Variants in CDH18 observed in about 807,000 individuals in gnomAD.
The protein encoded by CDH18 is cadherin 18.
A neutral mutation model predicts 67.9 loss-of-function variants in CDH18; 31 were observed. The ratio of observed to expected loss-of-function variants is 0.46; its 90% CI spans 0.34 to 0.62. The LOEUF (loss-of-function observed/expected upper bound fraction) is 0.62, where lower values mean the gene tolerates loss of function less well. Ranked by LOEUF, CDH18 falls within the 20% of genes least tolerant of loss-of-function variation. The pLI, the probability that CDH18 is intolerant of heterozygous loss-of-function variation, is 0.01. For missense variants in CDH18, 890 were observed against 975.5 expected (o/e 0.91, Z 1.17); for synonymous variants, 362 against 347.2 (o/e 1.04, Z -0.48).
chr5:20,254,825 G>C (rs911977487), intron 2 of CDH18, among the ~76,000 whole-genome samples: 2 of 151,982 alleles, frequency 1.3e-5, no homozygotes, highest in Non-Finnish European at 2.9e-5. Context: ...TATGTTCATT[G>C]CAACACTAGG....
intron 2 of CDH18, among the ~76,000 whole-genome samples, chr5:20,101,193 C>T (rs1420886286): frequency 6.6e-6 from 1 of 152,018 alleles, no homozygotes; most frequent in East Asian, 1.9e-4. Flanking sequence ...AATTTCTGGG[C>T]TCAAGCAATC....
intron 2 of CDH18, among the ~76,000 whole-genome samples, chr5:20,239,709 T>C (rs1434947117): frequency 6.6e-6 from 1 of 152,166 alleles, no homozygotes; most frequent in Non-Finnish European, 1.5e-5. Context: ...AATACTTTAA[T>C]AATGTTAAAA....
chr5:19,565,232 TG>T (rs1482662006), intron 8 of CDH18, among the ~76,000 whole-genome samples: 2 of 152,140 alleles, frequency 1.3e-5, no homozygotes, highest in African/African-American at 2.4e-5. Context: ...TCAATGGTCT[TG>T]GGTGAGATCC....
At chr5:20,550,561 G>C (rs1267310971) in intron 1 of CDH18, among the ~76,000 whole-genome samples, 1 of 152,098 alleles carries the variant, frequency 6.6e-6, no homozygotes, top group Non-Finnish European at 1.5e-5. Flanking sequence ...CATCTAGGGA[G>C]CACAAGCATG....
chr5:20,069,713 T>A (rs1743301733), intron 2 of CDH18, among the ~76,000 whole-genome samples: 1 of 152,006 alleles, frequency 6.6e-6, no homozygotes, highest in Non-Finnish European at 1.5e-5. Context: ...GCCCAGCCAT[T>A]TTTAGAATTT....
In CDH18 at chr5:20,337,679, C is replaced by T. The variant is rs866211398; in HGVS notation, c.-579-82174G>A. On this transcript the variant is annotated intron_variant, in intron 1 of 14. Coordinates refer to the CDH18 transcript ENST00000507958. ...GTCTCTAGAAAGGTCCAAACATTTT[C>T]ATATTTTCCTGTTTTCTTCTGAGCC... Among the ~76,000 whole-genome samples, 4 of 152,308 alleles carry T rather than the reference C, an allele frequency of 2.6e-5. No individual in the cohort carries two copies. In the South Asian group the frequency reaches 8.3e-4, roughly 32 times the overall value.
chr5:20,520,680 G>A (rs951668176), intron 1 of CDH18, among the ~76,000 whole-genome samples: 5 of 152,112 alleles, frequency 3.3e-5, no homozygotes, highest in African/African-American at 1.2e-4. Flanking sequence ...GAAGAGAGAT[G>A]AGCAATTGGG....
In CDH18 at chr5:20,356,745, CTCTCTCTCTA is replaced by C. The variant is rs1278898486; in HGVS notation, c.-579-101250_-579-101241del. On this transcript the variant is annotated intron_variant, in intron 1 of 14. Transcript: ENST00000507958. ...TCTCTCTCTCTCTCTCTCTCTCTCT[CTCTCTCTCTA>C]TATATATATATATATACACATGCAC... is the stretch of plus-strand genomic sequence containing the variant. 1.5e-4 allele frequency among the ~76,000 whole-genome samples: 21 copies of C among 136,628 alleles called. No homozygotes were observed. The East Asian group carries it at 1.9e-3, about 12-fold the overall frequency. 89.6% of individuals were successfully genotyped at this position (136,628 alleles called of 152,430 possible).
chr5:20,266,168 T>C (rs559174815), intron 1 of CDH18, among the ~76,000 whole-genome samples: 1 of 152,188 alleles, frequency 6.6e-6, no homozygotes, highest in Non-Finnish European at 1.5e-5. Flanking sequence ...TGTTAGATTG[T>C]AGGAATTCTC....
At chr5:20,110,733 A>G (rs1747388112) in intron 2 of CDH18, among the ~76,000 whole-genome samples, 2 of 152,232 alleles carry the variant, frequency 1.3e-5, no homozygotes, top group Non-Finnish European at 2.9e-5. Flanking sequence ...GAAATGCAAA[A>G]TATGACCAAT....
chr5:20,113,249 C>G (rs1747627834), intron 2 of CDH18, among the ~76,000 whole-genome samples: 1 of 152,118 alleles, frequency 6.6e-6, no homozygotes. Flanking sequence ...GTGGGATGCC[C>G]ACAGTACTCC....
intron 1 of CDH18, among the ~76,000 whole-genome samples, chr5:20,293,591 T>C (rs1344505523): frequency 6.6e-6 from 1 of 152,214 alleles, no homozygotes; most frequent in Non-Finnish European, 1.5e-5. Flanking sequence ...AGGAAAATTA[T>C]TGTATCTTAT....
At chr5:20,316,549 G>A (rs908580273) in intron 1 of CDH18, among the ~76,000 whole-genome samples, 1 of 152,172 alleles carries the variant, frequency 6.6e-6, no homozygotes, top group South Asian at 2.1e-4. Context: ...GGAATAGAAA[G>A]CTGTCAAGTT....
At chr5:19,816,791 C>T (rs747720398) in intron 3 of CDH18, among the ~76,000 whole-genome samples, 1 of 151,804 alleles carries the variant, frequency 6.6e-6, no homozygotes, top group Non-Finnish European at 1.5e-5. Context: ...TTTTTCTCAA[C>T]TGCTATTAAC....
intron 3 of CDH18, among the ~76,000 whole-genome samples, chr5:19,823,202 G>A (rs1780060516): frequency 6.6e-6 from 1 of 152,086 alleles, no homozygotes. Flanking sequence ...ACAACAATTT[G>A]TGCAGTTAAC....
chr5:20,218,286 A>C (rs1476351518), intron 2 of CDH18, among the ~76,000 whole-genome samples: 1 of 152,004 alleles, frequency 6.6e-6, no homozygotes, highest in East Asian at 1.9e-4. Context: ...AAGTTTTAAA[A>C]AATAAAAAAT....
chr5:20,152,468 A>C (rs1196188012), intron 2 of CDH18, among the ~76,000 whole-genome samples: 1 of 151,682 alleles, frequency 6.6e-6, no homozygotes, highest in Admixed American at 6.6e-5. Context: ...TGTAGACGTA[A>C]AGATTAAATA....
At chr5:19,869,069 A>G (rs558902979) in intron 2 of CDH18, among the ~76,000 whole-genome samples, 1 of 152,300 alleles carries the variant, frequency 6.6e-6, no homozygotes, top group South Asian at 2.1e-4. Context: ...GTATGGAGAA[A>G]ATAAAACAAA....
At chr5:19,613,862 A>G (rs567071268) in intron 5 of CDH18, among the ~76,000 whole-genome samples, 1 of 152,246 alleles carries the variant, frequency 6.6e-6, no homozygotes, top group South Asian at 2.1e-4. Context: ...TTATATGTCC[A>G]TCTATATATG....
Sources: allele counts gnomAD v4.1 joint callset (sites outside exome capture counted in the v4.1 genomes callset), GRCh38; gene constraint gnomAD v4.1.1; transcripts MANE v1.5; gene names NCBI Gene and HGNC (gene_info 2026-07-23, HGNC 2026-07-21).